The following PLCG1 variants were observed in gnomAD, a reference collection of about 807,000 sequenced individuals.
PLCG1 encodes 1-phosphatidylinositol 4,5-bisphosphate phosphodiesterase gamma-1.
PLCG1 carries 71 observed loss-of-function variants against 177.8 expected under a neutral mutation model. The ratio of observed to expected loss-of-function variants is 0.40; its 90% CI spans 0.33 to 0.49. The LOEUF is 0.49. Among genes scored for constraint, PLCG1 ranks in the 20% least tolerant of loss-of-function variants. The pLI is 0.72. For synonymous variants in PLCG1, 658 were observed against 647.9 expected (o/e 1.02, Z -0.24); for missense variants, 1,281 against 1,709.0 (o/e 0.75, Z 4.42).
In PLCG1 at chr20:41,164,817, G is replaced by T; in HGVS notation, c.1218-116G>T. ...TATGGCCTGCCTCTTTTCTGGGATA[G>T]TTTTTACAGACAAGAAGCCCCCAGG... On this transcript the variant is annotated intron_variant, in intron 12 of 31. Coordinates refer to ENST00000685551, the MANE Select transcript of PLCG1 (RefSeq NM_002660.3). The surrounding 1 kb of genome is among the most constrained non-coding windows in gnomAD (Gnocchi z 6.4). 1 of 1,027,234 alleles carries T rather than the reference G, an allele frequency of 9.7e-7. No homozygotes were observed. The highest frequency in any genetic ancestry group is 2.5e-5 in the East Asian group (1 of 40,168). 63.6% of individuals were successfully genotyped at this position (1,027,234 alleles called of 1,614,324 possible).
intron 1 of PLCG1, among the ~76,000 whole-genome samples, chr20:41,145,068 T>G (rs923363548): frequency 3.3e-5 from 5 of 151,882 alleles, no homozygotes; most frequent in Non-Finnish European, 5.9e-5. Flanking sequence ...ATTTGGTGAG[T>G]TCTATGAAGG....
At chr20:41,170,295 G>T (rs1455811036) in intron 24 of PLCG1, 26 bp downstream of exon 24, 1 of 1,613,640 alleles carries the variant, frequency 6.2e-7, no homozygotes, top group Admixed American at 1.7e-5. Context: ...AACCTTCTGG[G>T]GGGCAGTGTG....
intron 24 of PLCG1, among the ~76,000 whole-genome samples, chr20:41,171,309 G>A (rs34487602): frequency 3.9e-5 from 6 of 152,216 alleles, no homozygotes; most frequent in Non-Finnish European, 7.4e-5. Flanking sequence ...CACTGAGGCC[G>A]GGCGTGGTGG....
Position 41,165,509 on chromosome 20 carries a change from C to G in PLCG1, c.1569C>G (p.Thr523=). Residue 523 remains threonine, a synonymous_variant, in exon 15 of 32, where the codon ACC becomes ACG. Coordinates refer to ENST00000685551, the MANE Select transcript of PLCG1 (RefSeq NM_002660.3). The surrounding 1 kb of genome is among the most constrained non-coding windows in gnomAD (Gnocchi z 6.6). ...GCAAGATCTACTACTCTGAGGAGAC[C>G]AGCAGTGACCAGGGCAACGAGGATG... ...TSSKIYYSEE[T]SSDQGNEDEE... 1.2e-6 allele frequency: 2 copies of G among 1,613,996 alleles called. No homozygotes were observed. Among genetic ancestry groups the G allele is most frequent in the Non-Finnish European group, 1.7e-6 (2 of 1,179,936 alleles).
chr20:41,173,083 C>G lies in PLCG1; in HGVS notation c.3279+206C>G, dbSNP rs2035953853. 6.6e-6 allele frequency among the ~76,000 whole-genome samples: 1 copy of G among 152,164 alleles called. No individual in the cohort carries two copies. Among genetic ancestry groups the G allele is most frequent in the Non-Finnish European group, 1.5e-5 (1 of 68,038 alleles). On this transcript the variant is annotated intron_variant, in intron 27 of 31. Transcript: ENST00000685551. The surrounding 1 kb of genome is among the most constrained non-coding windows in gnomAD (Gnocchi z 6.2). ...GTGCAGAGCCATGGTGTGACTTGTT[C>G]TGATGACTTGTTTTGTTCTGATGAG...
chr20:41,145,499 A>G (rs2034969057), intron 1 of PLCG1, among the ~76,000 whole-genome samples: 1 of 152,062 alleles, frequency 6.6e-6, no homozygotes, highest in Non-Finnish European at 1.5e-5. Context: ...TTCCCCACCA[A>G]CCCATGGCCC....
rs1166843139 is a variant in PLCG1 at position 41,172,610 on chromosome 20, G to C, written c.3095G>C (p.Gly1032Ala). The C allele has an allele frequency of 6.2e-7, 1 of 1,614,180 alleles. No homozygotes were observed. The highest frequency in any genetic ancestry group is 8.5e-7 in the Non-Finnish European group (1 of 1,180,022). The change falls in exon 26 of 32, where the codon GGC (glycine) becomes GCC (alanine). Residue 1032 changes from glycine (G) to alanine (A), a missense_variant. Transcript: ENST00000685551. The surrounding 1 kb of genome is among the most constrained non-coding windows in gnomAD (Gnocchi z 7.0). ...NYDPLPMWICGSQLVALNFQT... is the reference protein window; with the variant it reads ...NYDPLPMWICASQLVALNFQT... ...GATCCTTTGCCCATGTGGATCTGTG[G>C]CAGTCAGCTTGTGGCCCTCAACTTC...
chr20:41,149,890 G>T (rs770818911), intron 1 of PLCG1, among the ~76,000 whole-genome samples: 7 of 152,124 alleles, frequency 4.6e-5, no homozygotes, highest in African/African-American at 9.7e-5. Context: ...CAGGAAGGAG[G>T]ACCATAGATA....
At chr20:41,168,639 G>C in intron 20 of PLCG1, 128 bp from the exon 21 acceptor site, 1 of 643,766 alleles carries the variant, frequency 1.6e-6, no homozygotes, top group Non-Finnish European at 2.9e-6. Flanking sequence ...GTTGATGGCA[G>C]TGTCATCTCC....
chr20:41,148,763 A>G lies in PLCG1; in HGVS notation c.218-10843A>G, dbSNP rs1368660199. On this transcript the variant is annotated intron_variant, in intron 1 of 31. Transcript: ENST00000685551. This position sits in a 1 kb window ranked among gnomAD's most constrained non-coding sequence, Gnocchi z 4.3. ...AAATACTGTGAAGCAGGAGTGCACCACGAAACCTGGAGTCCTCTCCATCCT... is the reference window on the plus strand; with the variant it reads ...AAATACTGTGAAGCAGGAGTGCACCGCGAAACCTGGAGTCCTCTCCATCCT... 1.3e-5 allele frequency among the ~76,000 whole-genome samples: 2 copies of G among 152,156 alleles called. No individual in the cohort carries two copies. Among genetic ancestry groups the G allele is most frequent in the East Asian group, 1.9e-4 (1 of 5,184 alleles).
rs770185396 is a variant in PLCG1, at chr20:41,164,219, T to A, written c.1217+18T>A. 5.0e-6 allele frequency: 8 copies of A among 1,613,576 alleles called. No individual in the cohort carries two copies. Among genetic ancestry groups the A allele is most frequent in the Non-Finnish European group, 6.8e-6 (8 of 1,179,876 alleles). On this transcript the variant is annotated intron_variant, in intron 12 of 31. Coordinates refer to ENST00000685551, the MANE Select transcript of PLCG1 (RefSeq NM_002660.3). This position sits in a 1 kb window ranked among gnomAD's most constrained non-coding sequence, Gnocchi z 6.4. ...GCCTCAGAGTGAGTCGGAGGCTGGA[T>A]GACCCAGGGGTTAACTTGGCTCCAG...
At chr20:41,143,817 T>G (rs540971490) in intron 1 of PLCG1, among the ~76,000 whole-genome samples, 108 of 152,330 alleles carry the variant, frequency 7.1e-4, no homozygotes, top group African/African-American at 2.5e-3. Flanking sequence ...ATATTAATAA[T>G]AAGGGAGATT....
Position 41,165,374 on chromosome 20 carries a change from A to T in PLCG1, c.1509+7A>T. On this transcript the variant is annotated splice_region_variant and intron_variant, in intron 14 of 31. Transcript: ENST00000685551. This position sits in a 1 kb window ranked among gnomAD's most constrained non-coding sequence, Gnocchi z 6.6. ...GGAGGACCCTGTGAACCACGTGAGG[A>T]CTGGGCCAGGCTGGGGGTGGTAGGC... is the stretch of plus-strand genomic sequence containing the variant. The T allele has an allele frequency of 6.2e-7, 1 of 1,614,164 alleles. No individual in the cohort carries two copies.
rs1301312682 is a variant in PLCG1, at chr20:41,163,739, G to A, written c.916G>A (p.Glu306Lys). Residue 306 changes from glutamate (E) to lysine (K), a missense_variant, in exon 10 of 32, where the codon GAG becomes AAG. Physicochemically the swap from Glu to Lys is moderately conservative, Grantham distance 56 (BLOSUM62 1). Around this residue, in one of 4 missense-constraint regions of PLCG1, gnomAD observed 374 missense variants for 443.8 expected, o/e 0.84. Transcript: ENST00000685551. This position sits in a 1 kb window ranked among gnomAD's most constrained non-coding sequence, Gnocchi z 5.2. ...GTTTGTCACCTTCCTGTTCTCCAAAGAGAACAGTGTGTGGAACTCGCAGCT... is the reference window on the plus strand; with the variant it reads ...GTTTGTCACCTTCCTGTTCTCCAAAAAGAACAGTGTGTGGAACTCGCAGCT... ...DEFVTFLFSK[E>K]NSVWNSQLDA... 2.5e-6 allele frequency: 4 copies of A among 1,612,632 alleles called. No individual in the cohort carries two copies. Among genetic ancestry groups the A allele is most frequent in the Non-Finnish European group, 3.4e-6 (4 of 1,178,652 alleles).
rs199609713 is a variant in PLCG1 at position 41,163,311 on chromosome 20, T to C, written c.789+36T>C. On this transcript the variant is annotated intron_variant, in intron 8 of 31. Transcript: ENST00000685551. This position sits in a 1 kb window ranked among gnomAD's most constrained non-coding sequence, Gnocchi z 5.2. Reference sequence around the variant, plus strand: ...GCTGACATTGGCCCAGGCTGGTAGGTTGTGGGGGGCTGGGCTCATCCCTGA... The same window carrying C: ...GCTGACATTGGCCCAGGCTGGTAGGCTGTGGGGGGCTGGGCTCATCCCTGA... 6.3e-6 allele frequency: 10 copies of C among 1,591,942 alleles called. No homozygotes were observed. The Admixed American group carries it at 1.2e-4, about 19-fold the overall frequency.
At position 41,173,274 on chromosome 20, in the gene PLCG1, TGTC is replaced by T. The variant is rs34534577; in HGVS notation, c.3280-143_3280-141del. On this transcript the variant is annotated intron_variant, in intron 27 of 31. Transcript: ENST00000685551. This position sits in a 1 kb window ranked among gnomAD's most constrained non-coding sequence, Gnocchi z 6.2. ...GCTCTGGACAGCTTAGGGTCCCTGA[TGTC>T]GTGAGGGACTCCATGGGCAGTGTCC... 2,298 of 797,820 alleles carry T rather than the reference TGTC, an allele frequency of 2.9e-3. 41 individuals are homozygous for T. In the African/African-American group the frequency reaches 0.036, roughly 13 times the overall value. 49.4% of individuals were successfully genotyped at this position (797,820 alleles called of 1,614,324 possible). A position where few individuals can be genotyped will look rare whatever the true frequency, so the allele number is the denominator to read the frequency against.
chr20:41,161,495 T>C (rs992440539), intron 4 of PLCG1, among the ~76,000 whole-genome samples: 5 of 152,124 alleles, frequency 3.3e-5, no homozygotes, highest in African/African-American at 1.2e-4. Context: ...AGATCGGTGA[T>C]GCAGGCAGTT....
rs1600666899 is a variant in PLCG1 at position 41,166,590 on chromosome 20, T to C, written c.2115T>C (p.Ser705=). The C allele has an allele frequency of 2.5e-6, 4 of 1,614,206 alleles. No homozygotes were observed. The highest frequency in any genetic ancestry group is 3.4e-6 in the Non-Finnish European group (4 of 1,180,046). Residue 705 remains serine (S), a synonymous_variant, in exon 18 of 32, where the codon TCT becomes TCC. Coordinates refer to ENST00000685551, the MANE Select transcript of PLCG1 (RefSeq NM_002660.3). The surrounding 1 kb of genome is among the most constrained non-coding windows in gnomAD (Gnocchi z 8.6). ...KRNEPNSYAI[S]FRAEGKIKHC... is the part of the protein sequence containing the mutation. The stretch of plus-strand genomic sequence containing the variant: ...ATGAACCCAACTCATATGCCATCTC[T>C]TTCCGGTGAGGGGTGTGGCACTGGG...
At chr20:41,162,319 C>T in intron 4 of PLCG1, 133 bp from the exon 5 acceptor site, 1 of 438,972 alleles carries the variant, frequency 2.3e-6, no homozygotes, top group Non-Finnish European at 4.3e-6. Context: ...GGGTTCTGAT[C>T]CAGTCTTGCC....
Sources: gnomAD v4.1 joint callset for allele counts (sites outside exome capture counted in the v4.1 genomes callset) on GRCh38, gnomAD v4.1.1 for gene constraint, gnomAD v4.1.1 regional missense constraint, Gnocchi (gnomAD v3.1) non-coding constraint, MANE v1.5 for transcripts, NCBI Gene and HGNC (gene_info 2026-07-23, HGNC 2026-07-21) for gene names.